DMBT1: variants seen among roughly 807,000 people sequenced by gnomAD.
DMBT1 encodes scavenger receptor cysteine-rich domain-containing protein DMBT1.
In DMBT1, 198 loss-of-function variants were observed where a neutral mutation model predicts 252.9. The observed-to-expected ratio is 0.78, with a 90% confidence interval of 0.70 to 0.88. The LOEUF (loss-of-function observed/expected upper bound fraction) is 0.88, where lower values mean the gene tolerates loss of function less well. DMBT1 is among the 40% of genes least tolerant of loss of function. DMBT1 has a pLI of 0.00. For synonymous variants in DMBT1, 990 were observed against 942.7 expected (o/e 1.05, Z -0.92); for missense variants, 2,432 against 2,404.7 (o/e 1.01, Z -0.24).
chr10:122,625,977 A>AT lies in DMBT1; in HGVS notation c.5668+16dup. The AT allele has an allele frequency of 1.2e-6, 2 of 1,606,284 alleles. No individual in the cohort carries two copies. The highest frequency in any genetic ancestry group is 1.7e-6 in the Non-Finnish European group (2 of 1,172,926). ...TACAACCACTGCAAGTAGGTATCACATTTTCTACCTGAACCATAGGTCATA... is the reference window on the plus strand; with the variant it reads ...TACAACCACTGCAAGTAGGTATCACATTTTTCTACCTGAACCATAGGTCATA... On this transcript the variant is annotated intron_variant, in intron 46 of 55. Coordinates refer to ENST00000338354, the MANE Select transcript of DMBT1 (RefSeq NM_001377530.1).
At chr10:122,570,991 G>T in intron 4 of DMBT1, 54 bp downstream of exon 4, 2 of 1,582,854 alleles carry the variant, frequency 1.3e-6, no homozygotes, top group South Asian at 2.2e-5. Flanking sequence ...TGCACCCCTA[G>T]GTTCATCTCT....
At chr10:122,574,115 G>A (rs558633583) in intron 6 of DMBT1, among the ~76,000 whole-genome samples, 6 of 152,174 alleles carry the variant, frequency 3.9e-5, no homozygotes, top group African/African-American at 1.4e-4. Flanking sequence ...GGGCCTTGAG[G>A]GTCAGGTGCC....
chr10:122,625,304 G>A lies in DMBT1; in HGVS notation c.5635+1G>A. On this transcript the variant is annotated splice_donor_variant, in intron 45 of 55. Transcript: ENST00000338354. LOFTEE classifies it high-confidence loss of function. The stretch of plus-strand genomic sequence containing the variant: ...ACCCAAATAAATTCTACTACGACAG[G>A]TGAGTCTGCTACACCCCAGTCCAGC... 3 of 1,610,676 alleles carry A rather than the reference G, an allele frequency of 1.9e-6. No homozygotes were observed. The highest frequency in any genetic ancestry group is 1.3e-5 in the African/African-American group (1 of 75,002).
intron 9 of DMBT1, 67 bp from the exon 10 acceptor site, chr10:122,579,511 T>A (rs2097746331): frequency 1.9e-6 from 3 of 1,608,612 alleles, no homozygotes; most frequent in Non-Finnish European, 8.5e-7. Flanking sequence ...ACCCTGAGTG[T>A]GGAACTTACC....
chr10:122,627,079 G>T (rs1281060903), intron 46 of DMBT1, among the ~76,000 whole-genome samples: 1 of 152,144 alleles, frequency 6.6e-6, no homozygotes. Context: ...AGGTAGGGAG[G>T]CTGCAGAAAG....
intron 20 of DMBT1, among the ~76,000 whole-genome samples, chr10:122,593,276 T>G (rs1475914689): frequency 2.0e-5 from 3 of 148,514 alleles, no homozygotes; most frequent in African/African-American, 7.3e-5. Flanking sequence ...TTCCTCAGCC[T>G]TGCTGACTCA....
intron 18 of DMBT1, 143 bp from the exon 19 acceptor site, chr10:122,591,336 C>A: frequency 1.0e-6 from 1 of 964,276 alleles, no homozygotes; most frequent in Non-Finnish European, 1.7e-6. Flanking sequence ...GAGCTACAGA[C>A]TTGGGCAGAC....
rs1346280874 is a variant in DMBT1 at position 122,640,223 on chromosome 10, G to T, written c.7126G>T (p.Glu2376Ter). The change falls in exon 55 of 56, where the codon GAA becomes TAA. Residue 2376 changes from glutamate (E) to a stop codon, truncating the protein, a stop_gained. Coordinates refer to ENST00000338354, the MANE Select transcript of DMBT1 (RefSeq NM_001377530.1). LOFTEE classifies it high-confidence loss of function. ...TGCTAATAACACCATCCAGGTCGAGGAAGTCCAGTATGGCAATTTTGACGT... is the reference window on the plus strand; with the variant it reads ...TGCTAATAACACCATCCAGGTCGAGTAAGTCCAGTATGGCAATTTTGACGT... ...HVANNTIQVEEVQYGNFDVNI... is the reference protein window; with the variant it reads ...HVANNTIQVE 8 of 1,613,960 alleles carry T rather than the reference G, an allele frequency of 5.0e-6. No individual in the cohort carries two copies. The highest frequency in any genetic ancestry group is 1.1e-5 in the South Asian group (1 of 91,082).
At chr10:122,589,395 C>T (rs760089041) in intron 17 of DMBT1, 128 bp downstream of exon 17, 1 of 1,422,230 alleles carries the variant, frequency 7.0e-7, no homozygotes, top group Non-Finnish European at 9.4e-7. Flanking sequence ...CTCCTTAGCT[C>T]TCTTCTAGGA....
At chr10:122,577,640 T>A (rs191754130) in intron 7 of DMBT1, among the ~76,000 whole-genome samples, 171 bp from the exon 8 acceptor site, 27 of 152,230 alleles carry the variant, frequency 1.8e-4, no homozygotes, top group Non-Finnish European at 3.2e-4. Context: ...TGCCAGGGGC[T>A]GTGGGGTCCC....
intron 1 of DMBT1, among the ~76,000 whole-genome samples, chr10:122,561,782 A>G (rs1401029330): frequency 1.4e-5 from 2 of 145,092 alleles, no homozygotes. Flanking sequence ...CCCTCACTGT[A>G]TCTTCCTGTC....
chr10:122,579,719 A>T lies in DMBT1; in HGVS notation c.821A>T (p.Gln274Leu). ...AATGATGCCAATGTGGTCTGCAGGC[A>T]GCTGGGCTGTGGCTGGGCCATGTCA... ...DTNDANVVCR[Q>L]LGCGWAMSAP... The change falls in exon 10 of 56, where the codon CAG becomes CTG. Residue 274 changes from glutamine (Q) to leucine (L), a missense_variant. Around this residue, in one of 3 missense-constraint regions of DMBT1, gnomAD observed 1,264 missense variants for 1,082.2 expected, o/e 1.17. Coordinates refer to ENST00000338354, the MANE Select transcript of DMBT1 (RefSeq NM_001377530.1). 6.2e-7 allele frequency: 1 copy of T among 1,613,912 alleles called. No individual in the cohort carries two copies. The highest frequency in any genetic ancestry group is 8.5e-7 in the Non-Finnish European group (1 of 1,179,812).
At position 122,598,824 on chromosome 10, in the gene DMBT1, C is replaced by A; in HGVS notation, c.3007C>A (p.Gln1003Lys). The change falls in exon 26 of 56, where the codon CAG becomes AAG. Residue 1003 changes from glutamine (Q) to lysine (K), a missense_variant. By Grantham distance (53) the Gln-to-Lys change is moderately conservative. Transcript: ENST00000338354. ...GCTGGTGAATGGAGGTGACAGGTGT[C>A]AGGGCCGAGTGGAGGTCCTATACCA... ...LRLVNGGDRC[Q>K]GRVEVLYQGS... The A allele has an allele frequency of 1.2e-6, 2 of 1,613,576 alleles. No homozygotes were observed. Among genetic ancestry groups the A allele is most frequent in the Middle Eastern group, 1.7e-4 (1 of 5,880 alleles).
At chr10:122,619,192 G>A in intron 41 of DMBT1, 116 bp from the exon 42 acceptor site, 1 of 1,320,818 alleles carries the variant, frequency 7.6e-7, no homozygotes, top group Non-Finnish European at 1.1e-6. Context: ...CTCCCTCTGT[G>A]ATAGGGACTA....
chr10:122,631,646 T>C (rs1218237240), intron 49 of DMBT1, among the ~76,000 whole-genome samples: 2 of 152,274 alleles, frequency 1.3e-5, no homozygotes, highest in Non-Finnish European at 2.9e-5. Context: ...TGACCTCAGC[T>C]GTAATCCTGA....
chr10:122,580,693 G>A (rs556029718), intron 10 of DMBT1, among the ~76,000 whole-genome samples, 173 bp from the exon 11 acceptor site: 18 of 152,092 alleles, frequency 1.2e-4, no homozygotes, highest in African/African-American at 3.6e-4. Flanking sequence ...GATCTGCCTC[G>A]ACCCCTTACA....
At chr10:122,635,860 A>C in intron 52 of DMBT1, 131 bp from the exon 53 acceptor site, 1 of 941,760 alleles carries the variant, frequency 1.1e-6, no homozygotes, top group Non-Finnish European at 1.6e-6. Context: ...CCAGCCAAGG[A>C]GACCTATGAC....
chr10:122,637,342 C>G, intron 54 of DMBT1, 30 bp downstream of exon 54: 1 of 1,564,818 alleles, frequency 6.4e-7, no homozygotes, highest in Non-Finnish European at 8.7e-7. Flanking sequence ...TTCCATTTCC[C>G]AGTGCACAAG....
In DMBT1 at chr10:122,640,273, A is replaced by G. The variant is rs201617925; in HGVS notation, c.7176A>G (p.Ser2392=). The change falls in exon 55 of 56, where the codon TCA becomes TCG. Residue 2392 remains serine, a synonymous_variant. Transcript: ENST00000338354. ...FDVNISFYTS[S]SFLYPVTSRP... is the part of the protein sequence containing the mutation. ...TGAACATTTCCTTTTATACTTCCTC[A>G]TCTTTCTTGTATCCTGTGACCAGCC... The G allele has an allele frequency of 6.8e-5, 110 of 1,614,026 alleles. No individual in the cohort carries two copies. The African/African-American group carries it at 1.3e-3, about 19-fold the overall frequency.
Sources: gnomAD v4.1 joint callset for allele counts (sites outside exome capture counted in the v4.1 genomes callset) on GRCh38, gnomAD v4.1.1 for gene constraint, gnomAD v4.1.1 regional missense constraint, MANE v1.5 for transcripts, NCBI Gene and HGNC (gene_info 2026-07-23, HGNC 2026-07-21) for gene names.